LRBA: variants seen among roughly 807,000 people sequenced by gnomAD.
The protein encoded by LRBA is LPS responsive beige-like anchor protein.
Under a neutral mutation model 330.0 loss-of-function variants are expected in LRBA, and 176 were observed. The observed-to-expected ratio is 0.53, with a 90% CI of 0.47 to 0.60. The LOEUF is 0.60. LRBA is among the 20% of genes least tolerant of loss of function. LRBA has a pLI of 0.00. For missense variants in LRBA, 3,259 were observed against 3,444.8 expected (o/e 0.95, Z 1.35); for synonymous variants, 1,230 against 1,193.0 (o/e 1.03, Z -0.64).
At chr4:150,970,558 CACA>C in intron 2 of LRBA, 2 of 9,986 alleles carry the variant, frequency 2.0e-4, no homozygotes, top group South Asian at 3.2e-3. Context: ...TGTGTGTGTA[CACA>C]CACACACACA....
intron 40 of LRBA, among the ~76,000 whole-genome samples, chr4:150,511,354 C>T (rs560703894): frequency 6.6e-6 from 1 of 152,360 alleles, no homozygotes; most frequent in African/African-American, 2.4e-5. Flanking sequence ...TCACTTGACT[C>T]TATCTCCCTT....
chr4:151,002,829 T>C (rs941054970), intron 2 of LRBA, among the ~76,000 whole-genome samples: 31 of 149,274 alleles, frequency 2.1e-4, no homozygotes, highest in African/African-American at 7.4e-4. Flanking sequence ...CTGGGCAACA[T>C]GGTGGCTGGG....
At chr4:150,423,259 C>A (rs1208244865) in intron 46 of LRBA, 1 of 1,007,374 alleles carries the variant, frequency 9.9e-7, no homozygotes, top group East Asian at 2.4e-5. Context: ...ACGCAGCCGC[C>A]TCCCAGCATC....
At chr4:150,518,359 A>G (rs895622560) in intron 40 of LRBA, among the ~76,000 whole-genome samples, 1 of 152,160 alleles carries the variant, frequency 6.6e-6, no homozygotes, top group Non-Finnish European at 1.5e-5. Context: ...ACAATATAAA[A>G]CATAAATTGT....
Position 150,264,819 on chromosome 4 carries a change from A to ATGAT in LRBA, c.*899_*902dup, listed in dbSNP as rs899274676. 10 of 152,658 alleles carry ATGAT rather than the reference A, an allele frequency of 6.6e-5. No individual in the cohort carries two copies. The highest frequency in any genetic ancestry group is 8.8e-5 in the Non-Finnish European group (6 of 68,052). The allele number at this position is 152,658 out of a possible 1,614,324, so 9.5% of individuals were successfully genotyped here. ...ATTGCTAATCAAAAGGAAGGTGGAG[A>ATGAT]TGATAGTTTAATAACAAATAGTAAA... On this transcript the variant is annotated 3_prime_UTR_variant, in exon 57 of 57. Transcript: ENST00000651943.
At position 150,721,435 on chromosome 4, in the gene LRBA, A is replaced by G. The variant is rs547526340; in HGVS notation, c.5754+13823T>C. The G allele has an allele frequency of 1.0e-5, 3 of 300,246 alleles. No individual in the cohort carries two copies. In the South Asian group the frequency reaches 1.2e-4, roughly 12 times the overall value. The allele number at this position is 300,246 out of a possible 1,614,324, so 18.6% of individuals were successfully genotyped here. A position where few individuals can be genotyped will look rare whatever the true frequency, so the allele number is the denominator to read the frequency against. On this transcript the variant is annotated intron_variant, in intron 36 of 56. Coordinates refer to ENST00000651943, the MANE Select transcript of LRBA (RefSeq NM_001364905.1). ...ATAACATATTCAGCAATGCAGGTCTATAATAAAGAAAACCCAGAAGTTTTT... is the reference window on the plus strand; with the variant it reads ...ATAACATATTCAGCAATGCAGGTCTGTAATAAAGAAAACCCAGAAGTTTTT...
intron 40 of LRBA, among the ~76,000 whole-genome samples, chr4:150,519,097 T>C (rs888157903): frequency 1.3e-5 from 2 of 152,296 alleles, no homozygotes; most frequent in South Asian, 4.1e-4. Context: ...AATATTTAAA[T>C]GAGACAAGTC....
chr4:150,830,199 G>A (rs185132153), intron 29 of LRBA, among the ~76,000 whole-genome samples: 183 of 152,212 alleles, frequency 1.2e-3, no homozygotes, highest in Admixed American at 2.2e-3. Flanking sequence ...TCTGGACTAG[G>A]CTTGACTGAC....
intron 48 of LRBA, among the ~76,000 whole-genome samples, chr4:150,346,687 A>G (rs1291924416): frequency 7.6e-5 from 10 of 131,700 alleles, no homozygotes; most frequent in African/African-American, 2.9e-4. Context: ...TGAACCTGGG[A>G]GGCGGAGGTT....
At chr4:150,418,962 T>A (rs901592458) in intron 46 of LRBA, among the ~76,000 whole-genome samples, 3 of 149,732 alleles carry the variant, frequency 2.0e-5, no homozygotes, top group Non-Finnish European at 4.5e-5. Flanking sequence ...ACAGTCAGCA[T>A]TTTTTTTTTC....
chr4:150,439,576 G>A (rs1020578996), intron 44 of LRBA, among the ~76,000 whole-genome samples: 2 of 152,056 alleles, frequency 1.3e-5, no homozygotes, highest in African/African-American at 4.8e-5. Flanking sequence ...AGTTACAGTG[G>A]GAATACACAC....
At chr4:150,822,747 G>A (rs776717095) in intron 30 of LRBA, among the ~76,000 whole-genome samples, 18 of 152,066 alleles carry the variant, frequency 1.2e-4, no homozygotes, top group Admixed American at 3.3e-4. Context: ...GCAAGACACC[G>A]TCTCAAAAAT....
intron 34 of LRBA, among the ~76,000 whole-genome samples, chr4:150,762,332 A>C (rs1435913961): frequency 6.6e-6 from 1 of 151,918 alleles, no homozygotes; most frequent in Non-Finnish European, 1.5e-5. Flanking sequence ...AATTGAGCTA[A>C]ACCAGTTTTG....
chr4:150,558,692 T>C (rs1767653514), intron 40 of LRBA, among the ~76,000 whole-genome samples: 2 of 152,208 alleles, frequency 1.3e-5, no homozygotes, highest in African/African-American at 4.8e-5. Context: ...TGGAGTGTCA[T>C]TACTTCTAGA....
intron 16 of LRBA, among the ~76,000 whole-genome samples, 173 bp downstream of exon 16, chr4:150,896,221 G>T (rs1483445403): frequency 1.3e-5 from 2 of 151,974 alleles, no homozygotes; most frequent in Admixed American, 6.6e-5. Flanking sequence ...GATTCATCTT[G>T]TGGTAATAAA....
intron 48 of LRBA, among the ~76,000 whole-genome samples, chr4:150,338,990 CACACAA>C (rs1269021415): frequency 1.3e-5 from 2 of 151,754 alleles, no homozygotes; most frequent in East Asian, 3.9e-4. Context: ...CACACACACA[CACACAA>C]GTAGTGAACC....
rs1019453089 is a variant in LRBA, at chr4:150,370,594, G to A, written c.7195-20435C>T. On this transcript the variant is annotated intron_variant, in intron 47 of 56. Coordinates refer to ENST00000651943, the MANE Select transcript of LRBA (RefSeq NM_001364905.1). ...TTAGGACAGTAAAACTATTCTGTAT[G>A]GTACTATACATTTGTCAAAACCTAC... Among the ~76,000 whole-genome samples, 6 of 152,052 alleles carry A rather than the reference G, an allele frequency of 3.9e-5. No homozygotes were observed. In the East Asian group the frequency reaches 9.6e-4, roughly 24 times the overall value.
intron 35 of LRBA, among the ~76,000 whole-genome samples, chr4:150,758,359 A>G (rs1003537534): frequency 2.0e-5 from 3 of 152,188 alleles, no homozygotes; most frequent in African/African-American, 7.2e-5. Context: ...GGCATTTGGT[A>G]TCTCTTCTTA....
chr4:150,310,325 C>G lies in LRBA; in HGVS notation c.7753G>C (p.Val2585Leu), dbSNP rs1730896087. The part of the protein sequence containing the change: ...ITDLLDQSIQ[V>L]HSQCFVITSD... Reference sequence around the variant, plus strand: ...GTGATGACAAAGCACTGGGAATGCACTTGAATACTTTGGTCTAAAAGGTCA... The same window carrying G: ...GTGATGACAAAGCACTGGGAATGCAGTTGAATACTTTGGTCTAAAAGGTCA... Residue 2585 changes from valine to leucine, a missense_variant, in exon 52 of 57, where the codon GTG becomes CTG. Transcript: ENST00000651943. 6.2e-7 allele frequency: 1 copy of G among 1,612,956 alleles called. No homozygotes were observed. Among genetic ancestry groups the G allele is most frequent in the Non-Finnish European group, 8.5e-7 (1 of 1,179,216 alleles).
Sources: allele counts gnomAD v4.1 joint callset (sites outside exome capture counted in the v4.1 genomes callset), GRCh38; gene constraint gnomAD v4.1.1; transcripts MANE v1.5; gene names NCBI Gene and HGNC (gene_info 2026-07-23, HGNC 2026-07-21).